The following CELF2 variants were observed in gnomAD, a reference collection of about 807,000 sequenced individuals.
CELF2 encodes CUG triplet repeat RNA-binding protein 2.
Under a neutral mutation model 62.6 loss-of-function variants are expected in CELF2, and 8 were observed. That is an observed-to-expected ratio of 0.13 (90% confidence interval 0.07 to 0.23). The LOEUF is 0.23. Among genes scored for constraint, CELF2 ranks in the 10% least tolerant of loss-of-function variants. CELF2 has a pLI of 1.00. For missense variants in CELF2, 333 were observed against 671.0 expected (o/e 0.50, Z 5.56); for synonymous variants, 258 against 250.0 (o/e 1.03, Z -0.30).
chr10:10,737,119 A>T, the CELF2 span, among the ~76,000 whole-genome samples: 1 of 152,206 alleles, frequency 6.6e-6, no homozygotes, highest in African/African-American at 2.4e-5. Flanking sequence ...AGAGGAAAAA[A>T]GTATAAGTCT....
At chr10:10,565,136 G>A in the CELF2 span, among the ~76,000 whole-genome samples, 123 of 152,280 alleles carry the variant, frequency 8.1e-4, no homozygotes, top group African/African-American at 2.9e-3. Context: ...ACTCGGGTTC[G>A]AGAGAAGGTA....
At chr10:11,293,483 T>G (rs1304005552) in intron 9 of CELF2, among the ~76,000 whole-genome samples, 2 of 152,222 alleles carry the variant, frequency 1.3e-5, no homozygotes, top group Admixed American at 1.3e-4. Context: ...TCCTAGCTCA[T>G]TCTAGACCTG....
intron 4 of CELF2, among the ~76,000 whole-genome samples, chr10:11,250,685 A>C (rs545924478): frequency 6.6e-6 from 1 of 152,226 alleles, no homozygotes; most frequent in African/African-American, 2.4e-5. Context: ...CTACTGATTT[A>C]AGTATCCAGA....
At chr10:11,062,297 G>A (rs2140503426) in intron 1 of CELF2, among the ~76,000 whole-genome samples, 1 of 152,368 alleles carries the variant, frequency 6.6e-6, no homozygotes, top group Non-Finnish European at 1.5e-5. Flanking sequence ...TGGAGAGGAA[G>A]TAAGTTCCAC....
At chr10:10,841,453 T>A (rs924517223) in intron 1 of CELF2, among the ~76,000 whole-genome samples, 1 of 151,630 alleles carries the variant, frequency 6.6e-6, no homozygotes, top group African/African-American at 2.4e-5. Context: ...TGTAGGTCTG[T>A]GTCTAGGTTC....
At chr10:11,326,031 G>C in intron 12 of CELF2, 52 bp downstream of exon 12, 1 of 1,534,622 alleles carries the variant, frequency 6.5e-7, no homozygotes. Context: ...CAAGTGAAGA[G>C]TCGTGGGAAG....
chr10:10,558,834 T>C, the CELF2 span, among the ~76,000 whole-genome samples: 2 of 152,206 alleles, frequency 1.3e-5, no homozygotes, highest in Non-Finnish European at 2.9e-5. Flanking sequence ...GAGGGGTTTA[T>C]AGTATTCTCT....
At position 10,934,338 on chromosome 10, in the gene CELF2, C is replaced by A. The variant is rs2135256185; in HGVS notation, c.89+14339C>A. 6.6e-6 allele frequency among the ~76,000 whole-genome samples: 1 copy of A among 152,298 alleles called. No individual in the cohort carries two copies. The highest frequency in any genetic ancestry group is 1.9e-4 in the East Asian group (1 of 5,178). On this transcript the variant is annotated intron_variant, in intron 2 of 13. Coordinates refer to the CELF2 transcript ENST00000636488. This position sits in a 1 kb window ranked among gnomAD's most constrained non-coding sequence, Gnocchi z 4.4. The stretch of plus-strand genomic sequence containing the variant: ...AGTGGCCCCAAGTCTACCGTGCTCA[C>A]CTTTCTATCCTCAACACCTAGCATA...
rs1404495657 is a variant in CELF2, at chr10:11,220,169, C to T, written c.354+2662C>T. Among the ~76,000 whole-genome samples the T allele has an allele frequency of 6.6e-6, 1 of 152,190 alleles. No individual in the cohort carries two copies. Among genetic ancestry groups the T allele is most frequent in the Non-Finnish European group, 1.5e-5 (1 of 68,028 alleles). On this transcript the variant is annotated intron_variant, in intron 3 of 12. Transcript: ENST00000633077. This position sits in a 1 kb window ranked among gnomAD's most constrained non-coding sequence, Gnocchi z 4.4. ...CTGTGGATAAAATCCATTAAAAAGT[C>T]ACTTGCTGCCTTTTTTCTAAAGTGT... is the stretch of plus-strand genomic sequence containing the variant.
intron 1 of CELF2, among the ~76,000 whole-genome samples, chr10:10,808,221 C>G (rs2055444453): frequency 6.6e-6 from 1 of 152,132 alleles, no homozygotes; most frequent in Non-Finnish European, 1.5e-5. Flanking sequence ...TCAGGCAAAA[C>G]AGCATTGAGA....
the CELF2 span, among the ~76,000 whole-genome samples, chr10:10,630,457 C>T: frequency 6.6e-6 from 1 of 152,198 alleles, no homozygotes; most frequent in Non-Finnish European, 1.5e-5. Context: ...TATCTAATCT[C>T]TATCTCTACT....
intron 1 of CELF2, among the ~76,000 whole-genome samples, chr10:10,887,133 C>T (rs2133820274): frequency 6.6e-6 from 1 of 151,910 alleles, no homozygotes; most frequent in East Asian, 1.9e-4. Flanking sequence ...AGCATTGTTA[C>T]TCTTTTTTTT....
At chr10:10,836,542 G>A (rs998941718) in intron 1 of CELF2, among the ~76,000 whole-genome samples, 16 of 152,216 alleles carry the variant, frequency 1.1e-4, no homozygotes, top group Non-Finnish European at 2.2e-4. Context: ...GTATGCAGGC[G>A]AATCACTACT....
chr10:10,576,621 A>T, the CELF2 span, among the ~76,000 whole-genome samples: 3 of 152,084 alleles, frequency 2.0e-5, no homozygotes, highest in African/African-American at 7.2e-5. Flanking sequence ...ACTTTTACCC[A>T]TGCTATTTTT....
chr10:10,689,854 A>C, the CELF2 span, among the ~76,000 whole-genome samples: 2 of 152,204 alleles, frequency 1.3e-5, no homozygotes, highest in Admixed American at 6.5e-5. Context: ...TATACATAAC[A>C]TGTTCCTACT....
At chr10:10,770,928 C>A in the CELF2 span, among the ~76,000 whole-genome samples, 1 of 152,118 alleles carries the variant, frequency 6.6e-6, no homozygotes, top group African/African-American at 2.4e-5. Flanking sequence ...AAATACTAAG[C>A]CCCTCTGGGC....
At chr10:11,131,784 G>T (rs752086941) in intron 1 of CELF2, among the ~76,000 whole-genome samples, 6 of 152,236 alleles carry the variant, frequency 3.9e-5, no homozygotes, top group African/African-American at 1.4e-4. Flanking sequence ...TTTGGGAAAA[G>T]AGAGGGTTCA....
At chr10:10,752,453 G>A in the CELF2 span, among the ~76,000 whole-genome samples, 2 of 152,048 alleles carry the variant, frequency 1.3e-5, no homozygotes, top group African/African-American at 4.8e-5. Flanking sequence ...CACTTTGGGA[G>A]GCCAACGTGG....
At chr10:10,893,162 G>A (rs747903267) in intron 1 of CELF2, among the ~76,000 whole-genome samples, 7 of 152,104 alleles carry the variant, frequency 4.6e-5, no homozygotes, top group Non-Finnish European at 8.8e-5. Context: ...TCCCAATGAG[G>A]GCAGTCAATA....
Sources: allele counts gnomAD v4.1 joint callset (sites outside exome capture counted in the v4.1 genomes callset), GRCh38; gene constraint gnomAD v4.1.1; non-coding constraint Gnocchi (gnomAD v3.1); transcripts MANE v1.5; gene names NCBI Gene and HGNC (gene_info 2026-07-23, HGNC 2026-07-21).